STYX: variants seen among roughly 807,000 people sequenced by gnomAD.
The protein encoded by STYX is serine/threonine/tyrosine interacting protein.
In STYX, 20 loss-of-function variants were observed where a neutral mutation model predicts 42.7. The observed-to-expected ratio is 0.47, with a 90% CI of 0.33 to 0.68. The LOEUF (loss-of-function observed/expected upper bound fraction) is 0.68, where lower values mean the gene tolerates loss of function less well. STYX is among the 30% of genes least tolerant of loss of function. The probability of loss-of-function intolerance (pLI) is 0.02; values close to 1 mark genes in which losing one functional copy is unlikely to be tolerated. For synonymous variants in STYX, 78 were observed against 81.9 expected (o/e 0.95, Z 0.26); for missense variants, 226 against 268.5 (o/e 0.84, Z 1.11).
chr14:52,770,092 T>C (rs1049710119), intron 10 of STYX, among the ~76,000 whole-genome samples: 2 of 152,146 alleles, frequency 1.3e-5, no homozygotes, highest in Admixed American at 6.5e-5. Flanking sequence ...GAAGACATGA[T>C]GATTAATGCA....
Position 52,771,650 on chromosome 14 carries a change from T to G in STYX, c.*544T>G, listed in dbSNP as rs1682231324. 1 of 152,588 alleles carries G rather than the reference T, an allele frequency of 6.6e-6. No homozygotes were observed. Among genetic ancestry groups the G allele is most frequent in the Non-Finnish European group, 1.5e-5 (1 of 67,986 alleles). The allele number at this position is 152,588 out of a possible 1,614,324, so 9.5% of individuals were successfully genotyped here. A position where few individuals can be genotyped will look rare whatever the true frequency, so the allele number is the denominator to read the frequency against. On this transcript the variant is annotated 3_prime_UTR_variant, in exon 11 of 11. Transcript: ENST00000354586. Reference sequence around the variant, plus strand: ...GGAATCTGCCACATTTCTTTTTTAGTATAACTTAATAGCTTAATTACCATT... The same window carrying G: ...GGAATCTGCCACATTTCTTTTTTAGGATAACTTAATAGCTTAATTACCATT...
At chr14:52,756,144 T>C (rs902698081) in intron 4 of STYX, among the ~76,000 whole-genome samples, 32 of 152,268 alleles carry the variant, frequency 2.1e-4, no homozygotes, top group East Asian at 7.7e-4. Flanking sequence ...GCCCCCTTAG[T>C]AGCTGGGACT....
At chr14:52,742,214 A>C (rs555615356) in intron 1 of STYX, among the ~76,000 whole-genome samples, 6 of 152,190 alleles carry the variant, frequency 3.9e-5, no homozygotes, top group Non-Finnish European at 7.4e-5. Context: ...TAGGAAGGAC[A>C]AGAGTACTCA....
At chr14:52,769,008 C>A in intron 10 of STYX, 75 bp downstream of exon 10, 2 of 1,089,220 alleles carry the variant, frequency 1.8e-6, no homozygotes, top group Non-Finnish European at 2.7e-6. Context: ...ACAAGTTACA[C>A]TGAACAATTT....
Position 52,772,186 on chromosome 14 carries a change from C to A in STYX, c.*1080C>A, listed in dbSNP as rs1203499085. 6.6e-6 allele frequency: 1 copy of A among 152,036 alleles called. No homozygotes were observed. Among genetic ancestry groups the A allele is most frequent in the Non-Finnish European group, 1.5e-5 (1 of 67,944 alleles). The allele number at this position is 152,036 out of a possible 1,614,324, so 9.4% of individuals were successfully genotyped here. A position where few individuals can be genotyped will look rare whatever the true frequency, so the allele number is the denominator to read the frequency against. ...ATTAGTTTAAACTGAAAGTACGAGG[C>A]TGGAAGAAATATTAGTAAATTATTT... On this transcript the variant is annotated 3_prime_UTR_variant, in exon 11 of 11. Transcript: ENST00000354586.
At chr14:52,748,623 CTG>C (rs1482879001) in intron 3 of STYX, among the ~76,000 whole-genome samples, 1 of 152,120 alleles carries the variant, frequency 6.6e-6, no homozygotes, top group Non-Finnish European at 1.5e-5. Flanking sequence ...AGATCTGCCT[CTG>C]AAAAGTACAA....
At chr14:52,760,318 T>G (rs1411251662) in intron 9 of STYX, among the ~76,000 whole-genome samples, 2 of 152,362 alleles carry the variant, frequency 1.3e-5, no homozygotes, top group East Asian at 3.9e-4. Flanking sequence ...CTGATTTTTT[T>G]TTGTTGTTCA....
At position 52,770,973 on chromosome 14, in the gene STYX, G is replaced by A. The variant is rs527260277; in HGVS notation, c.599-60G>A. On this transcript the variant is annotated intron_variant, in intron 10 of 10. Transcript: ENST00000354586. ...ACTTAATAACAAAATTTTACTTGCT[G>A]TAACCTTTTAACATGAATTTATTTT... The A allele has an allele frequency of 1.4e-4, 217 of 1,540,850 alleles. 2 individuals carry two copies. The South Asian group carries it at 2.4e-3, about 17-fold the overall frequency.
chr14:52,730,412 C>G lies in STYX; in HGVS notation c.-63C>G, dbSNP rs1249129480. Reference sequence around the variant, plus strand: ...TCCTTCCTTCCGCCGCCGCAGCCAGCCCGAGGGTCGGCCGGCTGTGTAACA... The same window carrying G: ...TCCTTCCTTCCGCCGCCGCAGCCAGGCCGAGGGTCGGCCGGCTGTGTAACA... On this transcript the variant is annotated 5_prime_UTR_variant, in exon 1 of 11. Coordinates refer to ENST00000354586, the MANE Select transcript of STYX (RefSeq NM_145251.4). 1 of 1,578,944 alleles carries G rather than the reference C, an allele frequency of 6.3e-7. No homozygotes were observed. Among genetic ancestry groups the G allele is most frequent in the African/African-American group, 1.3e-5 (1 of 74,152 alleles).
intron 3 of STYX, among the ~76,000 whole-genome samples, chr14:52,749,886 G>A (rs1216224526): frequency 1.3e-5 from 2 of 152,072 alleles, no homozygotes; most frequent in Admixed American, 1.3e-4. Flanking sequence ...ATGGGTCACT[G>A]TCAAAATTTT....
Position 52,774,986 on chromosome 14 carries a change from A to G in STYX, c.*3880A>G, listed in dbSNP as rs1210116182. ...AAAACTGCTGTGCCATTATACCTCC[A>G]AAATATTGAAAAGCTCATTCATACT... On this transcript the variant is annotated 3_prime_UTR_variant, in exon 11 of 11. Transcript: ENST00000354586. 6.6e-6 allele frequency: 1 copy of G among 152,194 alleles called. No individual in the cohort carries two copies. Among genetic ancestry groups the G allele is most frequent in the Admixed American group, 6.6e-5 (1 of 15,264 alleles). The allele number at this position is 152,194 out of a possible 1,614,324, so 9.4% of individuals were successfully genotyped here.
chr14:52,745,528 G>A (rs1206217561), intron 2 of STYX, among the ~76,000 whole-genome samples: 3 of 152,196 alleles, frequency 2.0e-5, no homozygotes, highest in South Asian at 2.1e-4. Flanking sequence ...GTCTAGATAA[G>A]TTAGGGAGAG....
In STYX at chr14:52,757,348, A is replaced by G; in HGVS notation, c.333A>G (p.Gln111=). The change falls in exon 6 of 11, where the codon CAA becomes CAG. Residue 111 remains glutamine, a synonymous_variant. Coordinates refer to ENST00000354586, the MANE Select transcript of STYX (RefSeq NM_145251.4). ...MTKEFIDGSL[Q]MGGKVLVHGN... is the part of the protein sequence containing the mutation. Reference sequence around the variant, plus strand: ...AGGAATTTATTGATGGGAGCTTACAAATGGGAGGTAAATAACATTTCCTTT... The same window carrying G: ...AGGAATTTATTGATGGGAGCTTACAGATGGGAGGTAAATAACATTTCCTTT... 2 of 1,605,998 alleles carry G rather than the reference A, an allele frequency of 1.2e-6. No homozygotes were observed. Among genetic ancestry groups the G allele is most frequent in the Non-Finnish European group, 1.7e-6 (2 of 1,174,694 alleles).
intron 1 of STYX, among the ~76,000 whole-genome samples, chr14:52,738,433 GT>G (rs535256159): frequency 2.6e-5 from 4 of 152,152 alleles, no homozygotes; most frequent in Non-Finnish European, 4.4e-5. Flanking sequence ...GAAGCCTCTT[GT>G]TTTGCTAAAA....
At chr14:52,754,903 G>A (rs1398555302) in intron 4 of STYX, among the ~76,000 whole-genome samples, 1 of 152,146 alleles carries the variant, frequency 6.6e-6, no homozygotes, top group Non-Finnish European at 1.5e-5. Flanking sequence ...CTTAGAGATT[G>A]ATAGTTCTAC....
intron 1 of STYX, among the ~76,000 whole-genome samples, chr14:52,738,636 T>G (rs1313535051): frequency 5.9e-5 from 9 of 152,214 alleles, no homozygotes; most frequent in African/African-American, 2.2e-4. Context: ...CACTCCAAAA[T>G]ATGACACCTT....
chr14:52,759,701 C>A lies in STYX; in HGVS notation c.451C>A (p.Gln151Lys). 1 of 1,609,284 alleles carries A rather than the reference C, an allele frequency of 6.2e-7. No homozygotes were observed. The highest frequency in any genetic ancestry group is 1.1e-5 in the South Asian group (1 of 90,504). ...TTTCAGAGATGCTTTTGCTTATGTTCAAGAAAGAAGATTTTGTATTAATCC... is the reference window on the plus strand; with the variant it reads ...TTTCAGAGATGCTTTTGCTTATGTTAAAGAAAGAAGATTTTGTATTAATCC... ...MKYRDAFAYV[Q>K]ERRFCINPNA... Residue 151 changes from glutamine to lysine, a missense_variant, in exon 9 of 11, where the codon CAA (glutamine) becomes AAA (lysine). Physicochemically the swap from Gln to Lys is moderately conservative, Grantham distance 53 (BLOSUM62 1). Coordinates refer to ENST00000354586, the MANE Select transcript of STYX (RefSeq NM_145251.4).
At chr14:52,757,576 A>G (rs1881923239) in intron 6 of STYX, among the ~76,000 whole-genome samples, 167 bp from the exon 7 acceptor site, 1 of 152,176 alleles carries the variant, frequency 6.6e-6, no homozygotes, top group South Asian at 2.1e-4. Context: ...AGTTTCTTTA[A>G]TAAGAGTCTG....
rs549808726 is a variant in STYX, at chr14:52,730,270, G to T, written c.-205G>T. ...CATGGCGGCCGGGTGTAAGACGCCC[G>T]ACCCTCCTCTTCCCTGTCTTCGCCG... On this transcript the variant is annotated 5_prime_UTR_variant, in exon 1 of 11. Transcript: ENST00000354586. 1 of 587,754 alleles carries T rather than the reference G, an allele frequency of 1.7e-6. No individual in the cohort carries two copies. The highest frequency in any genetic ancestry group is 2.0e-5 in the South Asian group (1 of 50,372). 36.4% of individuals were successfully genotyped at this position (587,754 alleles called of 1,614,324 possible).
Sources: allele counts gnomAD v4.1 joint callset (sites outside exome capture counted in the v4.1 genomes callset), GRCh38; gene constraint gnomAD v4.1.1; transcripts MANE v1.5; gene names NCBI Gene and HGNC (gene_info 2026-07-23, HGNC 2026-07-21).